SYT17: variants seen among roughly 807,000 people sequenced by gnomAD.
The protein encoded by SYT17 is synaptotagmin-17.
SYT17 carries 22 observed loss-of-function variants against 46.7 expected under a neutral mutation model. The observed-to-expected ratio is 0.47, with a 90% CI of 0.34 to 0.67. SYT17 has a LOEUF of 0.67. SYT17 is among the 30% of genes least tolerant of loss of function. The probability of loss-of-function intolerance (pLI) is 0.01; values close to 1 mark genes in which losing one functional copy is unlikely to be tolerated. For missense variants in SYT17, 519 were observed against 612.8 expected, an observed-to-expected ratio of 0.85 and a Z score of 1.62; for synonymous variants, 251 against 248.4, an observed-to-expected ratio of 1.01 and a Z score of -0.10.
At chr16:19,182,201 G>A (rs991798238) in intron 4 of SYT17, among the ~76,000 whole-genome samples, 6 of 152,136 alleles carry the variant, frequency 3.9e-5, no homozygotes, top group Non-Finnish European at 5.9e-5. Context: ...GATAGCTTGA[G>A]GCCAGGAGTT....
intron 1 of SYT17, chr16:19,172,368 T>A: frequency 7.2e-7 from 1 of 1,393,024 alleles, no homozygotes; most frequent in Non-Finnish European, 9.2e-7. Flanking sequence ...GCTAATCATG[T>A]CCTTTTGGGT....
intron 1 of SYT17, chr16:19,171,566 C>T (rs1032434949): frequency 1.3e-5 from 2 of 152,166 alleles, no homozygotes; most frequent in Non-Finnish European, 2.9e-5. Context: ...CTCAGGTGAT[C>T]CACCCGCCTT....
chr16:19,169,270 G>T (rs536242474), intron 1 of SYT17, among the ~76,000 whole-genome samples: 1 of 147,652 alleles, frequency 6.8e-6, no homozygotes, highest in South Asian at 2.2e-4. Flanking sequence ...CGTCCCCCAA[G>T]AATCCTTGGG....
At chr16:19,260,804 A>C (rs1439740432) in intron 7 of SYT17, among the ~76,000 whole-genome samples, 2 of 152,188 alleles carry the variant, frequency 1.3e-5, no homozygotes, top group Non-Finnish European at 2.9e-5. Context: ...TTTACAACAA[A>C]ATTTTTAGTT....
chr16:19,168,591 G>A lies in SYT17; in HGVS notation c.-56G>A, dbSNP rs1963955470. ...TCTTCCCCCTCCGCTGTTGGCGAGG[G>A]CAAAGTGGCCGTGGCGGCGCCATGC... On this transcript the variant is annotated 5_prime_UTR_variant, in exon 1 of 8. Coordinates refer to ENST00000355377, the MANE Select transcript of SYT17 (RefSeq NM_016524.4). This position sits in a 1 kb window ranked among gnomAD's most constrained non-coding sequence, Gnocchi z 6.9. The A allele has an allele frequency of 1.3e-6, 2 of 1,542,658 alleles. No homozygotes were observed. Among genetic ancestry groups the A allele is most frequent in the Admixed American group, 3.9e-5 (2 of 50,682 alleles).
At chr16:19,219,558 C>T (rs536026454) in intron 5 of SYT17, among the ~76,000 whole-genome samples, 1 of 152,266 alleles carries the variant, frequency 6.6e-6, no homozygotes, top group South Asian at 2.1e-4. Flanking sequence ...TTTCAATCAA[C>T]TGCATTGAGG....
intron 7 of SYT17, among the ~76,000 whole-genome samples, chr16:19,240,653 C>T (rs1597004262): frequency 6.6e-6 from 1 of 152,234 alleles, no homozygotes; most frequent in Non-Finnish European, 1.5e-5. Flanking sequence ...AGGCTTCAGG[C>T]CCTCCCTGGT....
intron 5 of SYT17, among the ~76,000 whole-genome samples, chr16:19,196,115 C>T (rs1481998895): frequency 6.6e-6 from 1 of 151,942 alleles, no homozygotes; most frequent in Non-Finnish European, 1.5e-5. Flanking sequence ...AAGGAATGTA[C>T]CAAGAAGGAG....
At chr16:19,198,603 A>G (rs1330979478) in intron 5 of SYT17, among the ~76,000 whole-genome samples, 2 of 152,232 alleles carry the variant, frequency 1.3e-5, no homozygotes, top group Non-Finnish European at 2.9e-5. Context: ...TAACTTACCC[A>G]AGGCCATGAA....
At chr16:19,243,743 G>A (rs1967308418) in intron 7 of SYT17, among the ~76,000 whole-genome samples, 1 of 148,730 alleles carries the variant, frequency 6.7e-6, no homozygotes, top group African/African-American at 2.5e-5. Flanking sequence ...ACTTGAATCT[G>A]GGAGGCAGAG....
In SYT17 at chr16:19,238,351, G is replaced by A. The variant is rs147125429; in HGVS notation, c.1228+13513G>A. On this transcript the variant is annotated intron_variant, in intron 7 of 7. Transcript: ENST00000355377. Reference sequence around the variant, plus strand: ...GCATAAAGCAAGGGCTCAGTTGATTGTGGTGTTGAACCTGGATGTCGGCAG... The same window carrying A: ...GCATAAAGCAAGGGCTCAGTTGATTATGGTGTTGAACCTGGATGTCGGCAG... 4.0e-3 allele frequency among the ~76,000 whole-genome samples: 605 copies of A among 152,360 alleles called. 5 individuals carry two copies. The highest frequency in any genetic ancestry group is 2.1e-3 in the Non-Finnish European group (145 of 68,038).
At chr16:19,243,751 G>T (rs1007586260) in intron 7 of SYT17, among the ~76,000 whole-genome samples, 1 of 148,254 alleles carries the variant, frequency 6.7e-6, no homozygotes, top group Admixed American at 6.8e-5. Flanking sequence ...CTGGGAGGCA[G>T]AGGTTGTGGT....
At chr16:19,211,535 T>C in intron 5 of SYT17, 2 of 698,714 alleles carry the variant, frequency 2.9e-6, no homozygotes, top group Admixed American at 2.0e-5. Flanking sequence ...CAACTGAGTG[T>C]TAATGGGAAG....
rs114688713 is a variant in SYT17, at chr16:19,190,610, A to G, written c.951+6463A>G. On this transcript the variant is annotated intron_variant, in intron 5 of 7. Coordinates refer to ENST00000355377, the MANE Select transcript of SYT17 (RefSeq NM_016524.4). ...CCTGACAACCATCATTCTACTTTCTATGAATCTGACAGTTCTAGGTACCTC... is the reference window on the plus strand; with the variant it reads ...CCTGACAACCATCATTCTACTTTCTGTGAATCTGACAGTTCTAGGTACCTC... Among the ~76,000 whole-genome samples the G allele has an allele frequency of 5.5e-3, 840 of 152,248 alleles. 6 individuals carry two copies. Among genetic ancestry groups the G allele is most frequent in the African/African-American group, 0.019 (803 of 41,538 alleles).
chr16:19,218,353 C>T (rs991001570), intron 5 of SYT17, among the ~76,000 whole-genome samples: 3 of 152,170 alleles, frequency 2.0e-5, no homozygotes, highest in Non-Finnish European at 4.4e-5. Flanking sequence ...ACAAATTGAT[C>T]ACTCCCCAGA....
At chr16:19,236,335 C>T (rs749386340) in intron 7 of SYT17, among the ~76,000 whole-genome samples, 20 of 152,158 alleles carry the variant, frequency 1.3e-4, no homozygotes, top group Non-Finnish European at 2.8e-4. Context: ...TTTCAACAAA[C>T]ATATAAGTTA....
chr16:19,245,765 T>C (rs2142988364), intron 7 of SYT17, among the ~76,000 whole-genome samples: 1 of 152,298 alleles, frequency 6.6e-6, no homozygotes, highest in East Asian at 1.9e-4. Context: ...GCAGATGGAC[T>C]GCAGCTCAGC....
chr16:19,236,802 C>A (rs767951742), intron 7 of SYT17, among the ~76,000 whole-genome samples: 1 of 152,140 alleles, frequency 6.6e-6, no homozygotes, highest in African/African-American at 2.4e-5. Flanking sequence ...GCTTGTCACG[C>A]CTTTGGCATC....
intron 7 of SYT17, among the ~76,000 whole-genome samples, chr16:19,226,595 G>A (rs1253979069): frequency 6.6e-6 from 1 of 152,182 alleles, no homozygotes; most frequent in Non-Finnish European, 1.5e-5. Context: ...TTCTAATGCA[G>A]TCTGTGATGG....
Sources: gnomAD v4.1 joint callset for allele counts (sites outside exome capture counted in the v4.1 genomes callset) on GRCh38, gnomAD v4.1.1 for gene constraint, Gnocchi (gnomAD v3.1) non-coding constraint, MANE v1.5 for transcripts, NCBI Gene and HGNC (gene_info 2026-07-23, HGNC 2026-07-21) for gene names.